The following VSIR variants were observed in gnomAD, a reference collection of about 807,000 sequenced individuals.
VSIR encodes the protein V-type immunoglobulin domain-containing suppressor of T-cell activation.
Under a neutral mutation model 31.0 loss-of-function variants are expected in VSIR, and 10 were observed. That is an observed-to-expected ratio of 0.32 (90% CI 0.20 to 0.55). The LOEUF is 0.55. VSIR is among the 20% of genes least tolerant of loss of function. The pLI is 0.93. For synonymous variants in VSIR, 179 were observed against 180.1 expected (o/e 0.99, Z 0.05); for missense variants, 356 against 416.2 (o/e 0.86, Z 1.26).
At chr10:71,765,097 C>G (rs756699346) in intron 1 of VSIR, among the ~76,000 whole-genome samples, 7 of 152,222 alleles carry the variant, frequency 4.6e-5, no homozygotes, top group African/African-American at 1.7e-4. Context: ...CTCCCACGTA[C>G]TCCCAGGAAG....
At chr10:71,752,832 T>C in intron 5 of VSIR, 143 bp downstream of exon 5, 1 of 1,000,984 alleles carries the variant, frequency 1.0e-6, no homozygotes, top group Non-Finnish European at 1.4e-6. Flanking sequence ...TCTGCACAGA[T>C]GTGCAGGCTT....
In VSIR at chr10:71,751,760, C is replaced by T. The variant is rs746929027; in HGVS notation, c.806G>A (p.Arg269Gln). The T allele has an allele frequency of 2.4e-5, 39 of 1,603,764 alleles. No homozygotes were observed. In the Admixed American group the frequency reaches 6.0e-4, roughly 25 times the overall value. Reference protein sequence around the residue: ...VRHPLSYVAQRQPSESGRHLL... With the variant: ...VRHPLSYVAQQQPSESGRHLL... ...ATGCCGCCCAGACTCAGAAGGCTGC[C>T]GCTGGGCCACATAGGACAGGGGGTG... Residue 269 changes from arginine (R) to glutamine (Q), a missense_variant, in exon 6 of 7, where the codon CGG (arginine) becomes CAG (glutamine). Physicochemically the swap from Arg to Gln is conservative, Grantham distance 43. Transcript: ENST00000394957. The surrounding 1 kb of genome is among the most constrained non-coding windows in gnomAD (Gnocchi z 4.9).
In VSIR at chr10:71,750,451, G is replaced by A. The variant is rs1046139960; in HGVS notation, c.*802C>T. ...GGAGTAGGGGATGGGGAGGGCGGGGGGCAGGTGCCCCTCTCCACTCACCTT... is the reference window on the plus strand; with the variant it reads ...GGAGTAGGGGATGGGGAGGGCGGGGAGCAGGTGCCCCTCTCCACTCACCTT... On this transcript the variant is annotated 3_prime_UTR_variant, in exon 7 of 7. Transcript: ENST00000394957. The A allele has an allele frequency of 6.6e-6, 1 of 152,334 alleles. No individual in the cohort carries two copies. The highest frequency in any genetic ancestry group is 1.5e-5 in the Non-Finnish European group (1 of 68,136). 9.4% of individuals were successfully genotyped at this position (152,334 alleles called of 1,614,324 possible).
chr10:71,767,087 A>G (rs117378733), intron 1 of VSIR, among the ~76,000 whole-genome samples: 1,696 of 152,296 alleles, frequency 0.011, 18 homozygotes, highest in Non-Finnish European at 0.018. Context: ...TTGGGCCTGG[A>G]CCTGTGCCTG....
chr10:71,750,098 A>G lies in VSIR; in HGVS notation c.*1155T>C, dbSNP rs983331174. On this transcript the variant is annotated 3_prime_UTR_variant, in exon 7 of 7. Transcript: ENST00000394957. Reference sequence around the variant, plus strand: ...TCCTCCCCTGCTTTAAAATCCTTCAATCACAATTCCACAGAGGACTCACCT... The same window carrying G: ...TCCTCCCCTGCTTTAAAATCCTTCAGTCACAATTCCACAGAGGACTCACCT... 3 of 152,262 alleles carry G rather than the reference A, an allele frequency of 2.0e-5. No homozygotes were observed. The highest frequency in any genetic ancestry group is 2.1e-4 in the South Asian group (1 of 4,830). The allele number at this position is 152,262 out of a possible 1,614,324, so 9.4% of individuals were successfully genotyped here. A position where few individuals can be genotyped will look rare whatever the true frequency, so the allele number is the denominator to read the frequency against.
chr10:71,751,972 C>T lies in VSIR; in HGVS notation c.705-111G>A. ...TTTCTCTCACCTACATCCCCATCCCCAAGCCTCAGCAGCATCTCCAAGCAA... is the reference window on the plus strand; with the variant it reads ...TTTCTCTCACCTACATCCCCATCCCTAAGCCTCAGCAGCATCTCCAAGCAA... On this transcript the variant is annotated intron_variant, in intron 5 of 6. Coordinates refer to ENST00000394957, the MANE Select transcript of VSIR (RefSeq NM_022153.2). This position sits in a 1 kb window ranked among gnomAD's most constrained non-coding sequence, Gnocchi z 4.9. 1 of 1,159,832 alleles carries T rather than the reference C, an allele frequency of 8.6e-7. No homozygotes were observed. 71.8% of individuals were successfully genotyped at this position (1,159,832 alleles called of 1,614,324 possible).
chr10:71,760,241 ATATATGTATGTATATATATG>A (rs1840332343), intron 3 of VSIR, among the ~76,000 whole-genome samples: 1 of 29,462 alleles, frequency 3.4e-5, no homozygotes, highest in African/African-American at 9.6e-5. Context: ...GTATATACAT[ATATATGTATGTATATATATG>A]TATATACATA....
At position 71,760,647 on chromosome 10, in the gene VSIR, T is replaced by C. The variant is rs1840355721; in HGVS notation, c.568+221A>G. The C allele has an allele frequency of 5.5e-6, 3 of 540,964 alleles. 1 individual carries two copies. The highest frequency in any genetic ancestry group is 4.5e-5 in the South Asian group (2 of 44,154). The allele number at this position is 540,964 out of a possible 1,614,324, so 33.5% of individuals were successfully genotyped here. ...GCCAAGGCACAGCCACTCCAGAGAG[T>C]CAAGAGGAGCAGAGACTCCAGAGCA... On this transcript the variant is annotated intron_variant, in intron 3 of 6. Transcript: ENST00000394957.
intron 1 of VSIR, among the ~76,000 whole-genome samples, chr10:71,767,155 CTTG>C (rs972780734): frequency 2.0e-5 from 3 of 152,232 alleles, no homozygotes; most frequent in East Asian, 1.9e-4. Flanking sequence ...GAAAGGAGCT[CTTG>C]TTGGCATCTT....
At position 71,751,203 on chromosome 10, in the gene VSIR, A is replaced by C. The variant is rs772812000; in HGVS notation, c.*50T>G. The C allele has an allele frequency of 1.9e-6, 3 of 1,582,820 alleles. No individual in the cohort carries two copies. Reference sequence around the variant, plus strand: ...ACTCACAGAGCCAGCCCTGGCTCAAATGCACCTGCCCCAGACCCAGCCACA... The same window carrying C: ...ACTCACAGAGCCAGCCCTGGCTCAACTGCACCTGCCCCAGACCCAGCCACA... On this transcript the variant is annotated 3_prime_UTR_variant, in exon 7 of 7. Coordinates refer to ENST00000394957, the MANE Select transcript of VSIR (RefSeq NM_022153.2). The surrounding 1 kb of genome is among the most constrained non-coding windows in gnomAD (Gnocchi z 4.9).
intron 3 of VSIR, among the ~76,000 whole-genome samples, chr10:71,759,898 C>CAT (rs1365274288): frequency 0.018 from 911 of 50,554 alleles, 76 homozygotes; most frequent in Non-Finnish European, 0.02. Flanking sequence ...TACACACACA[C>CAT]ATATATACAC....
chr10:71,771,478 T>G (rs1225658776), intron 1 of VSIR, among the ~76,000 whole-genome samples: 1 of 152,208 alleles, frequency 6.6e-6, no homozygotes, highest in Non-Finnish European at 1.5e-5. Context: ...CTTCTCAACT[T>G]ACAGATCCTG....
chr10:71,751,677 GGAA>G lies in VSIR; in HGVS notation c.886_888del (p.Phe296del). On this transcript the variant is annotated inframe_deletion, in exon 6 of 7. Coordinates refer to ENST00000394957, the MANE Select transcript of VSIR (RefSeq NM_022153.2). This position sits in a 1 kb window ranked among gnomAD's most constrained non-coding sequence, Gnocchi z 4.9. Reference sequence around the variant, plus strand: ...GTCAGGAAACACTTACCCAGGGATGGGAAGAAGACGTCTCCGGGGCCTGGAGGA... The same window carrying G: ...GTCAGGAAACACTTACCCAGGGATGGGAAGACGTCTCCGGGGCCTGGAGGA... 1 of 1,532,736 alleles carries G rather than the reference GGAA, an allele frequency of 6.5e-7. No homozygotes were observed. The highest frequency in any genetic ancestry group is 8.8e-7 in the Non-Finnish European group (1 of 1,141,464). The allele number at this position is 1,532,736 out of a possible 1,614,324, so 94.9% of individuals were successfully genotyped here. A position where few individuals can be genotyped will look rare whatever the true frequency, so the allele number is the denominator to read the frequency against.
intron 2 of VSIR, 96 bp downstream of exon 2, chr10:71,761,502 C>T (rs1840383394): frequency 7.3e-7 from 1 of 1,366,296 alleles, no homozygotes; most frequent in Admixed American, 2.7e-5. Context: ...ACCCATGCAG[C>T]CTCACACTCT....
Position 71,755,393 on chromosome 10 carries a change from C to G in VSIR, c.642G>C (p.Leu214=). The G allele has an allele frequency of 6.2e-7, 1 of 1,613,294 alleles. No individual in the cohort carries two copies. The highest frequency in any genetic ancestry group is 8.5e-7 in the Non-Finnish European group (1 of 1,179,792). The change falls in exon 4 of 7, where the codon CTG becomes CTC. Residue 214 remains leucine (L), a synonymous_variant. Transcript: ENST00000394957. ...AGGCTGCCTGCCTTTGCTTGTAGACCAGGAGCAGGATGAGGGGGAGGCAGA... is the reference window on the plus strand; with the variant it reads ...AGGCTGCCTGCCTTTGCTTGTAGACGAGGAGCAGGATGAGGGGGAGGCAGA... The part of the protein sequence containing the change: ...GILCLPLILL[L]VYKQRQAASN...
In VSIR at chr10:71,751,668, C is replaced by A; in HGVS notation, c.898G>T (p.Asp300Tyr). 3 of 1,526,776 alleles carry A rather than the reference C, an allele frequency of 2.0e-6. No individual in the cohort carries two copies. Among genetic ancestry groups the A allele is most frequent in the Non-Finnish European group, 2.6e-6 (3 of 1,138,100 alleles). 94.6% of individuals were successfully genotyped at this position (1,526,776 alleles called of 1,614,324 possible). ...GPGDVFFPSL[D>Y]PVPDSPNFEV... ...GCTGTGAAGGTCAGGAAACACTTACCCAGGGATGGGAAGAAGACGTCTCCG... is the reference window on the plus strand; with the variant it reads ...GCTGTGAAGGTCAGGAAACACTTACACAGGGATGGGAAGAAGACGTCTCCG... The change falls in exon 6 of 7, where the codon GAC becomes TAC. Residue 300 changes from aspartate to tyrosine, a missense_variant and splice_region_variant. Asp to Tyr is a radical substitution (Grantham distance 160). Transcript: ENST00000394957. This position sits in a 1 kb window ranked among gnomAD's most constrained non-coding sequence, Gnocchi z 4.9.
intron 1 of VSIR, among the ~76,000 whole-genome samples, chr10:71,772,643 G>A (rs992435323): frequency 1.7e-4 from 26 of 152,330 alleles, no homozygotes; most frequent in African/African-American, 3.4e-4. Context: ...GAGAGATGCC[G>A]TAATTTATCC....
At chr10:71,767,913 C>T (rs1349235471) in intron 1 of VSIR, among the ~76,000 whole-genome samples, 2 of 152,196 alleles carry the variant, frequency 1.3e-5, no homozygotes, top group African/African-American at 4.8e-5. Flanking sequence ...GCTAGCATGC[C>T]TCCCCAGGGA....
intron 1 of VSIR, among the ~76,000 whole-genome samples, chr10:71,765,940 A>T (rs1031926384): frequency 6.6e-6 from 1 of 152,002 alleles, no homozygotes; most frequent in African/African-American, 2.4e-5. Flanking sequence ...AGGCCAGAAA[A>T]CACCCCATTT....
Sources: gnomAD v4.1 joint callset for allele counts (sites outside exome capture counted in the v4.1 genomes callset) on GRCh38, gnomAD v4.1.1 for gene constraint, Gnocchi (gnomAD v3.1) non-coding constraint, MANE v1.5 for transcripts, NCBI Gene and HGNC (gene_info 2026-07-23, HGNC 2026-07-21) for gene names.